Variants in CAMKMT observed in about 807,000 individuals in gnomAD.
CAMKMT encodes the protein CaM KMT.
A neutral mutation model predicts 48.0 loss-of-function variants in CAMKMT; 53 were observed. That is an observed-to-expected ratio of 1.10 (90% CI 0.89 to 1.39). CAMKMT has a LOEUF of 1.39. Ranked by LOEUF, CAMKMT falls within the 40% of genes most tolerant of loss-of-function variation. The pLI, the probability that CAMKMT is intolerant of heterozygous loss-of-function variation, is 0.00. For missense variants in CAMKMT, 428 were observed against 402.7 expected, an observed-to-expected ratio of 1.06 and a Z score of -0.54; for synonymous variants, 165 against 152.3, an observed-to-expected ratio of 1.08 and a Z score of -0.61.
chr2:44,692,450 G>A (rs145863305), intron 3 of CAMKMT, among the ~76,000 whole-genome samples: 52 of 152,170 alleles, frequency 3.4e-4, no homozygotes, highest in Non-Finnish European at 6.3e-4. Flanking sequence ...TCTCTATTTC[G>A]TTAACATGTT....
intron 3 of CAMKMT, among the ~76,000 whole-genome samples, chr2:44,449,300 C>T (rs917846317): frequency 2.6e-5 from 4 of 152,142 alleles, no homozygotes; most frequent in African/African-American, 9.7e-5. Flanking sequence ...AAACTCTATC[C>T]TCAAGTTGTT....
chr2:44,733,781 A>G (rs993659558), intron 7 of CAMKMT, among the ~76,000 whole-genome samples: 2 of 152,158 alleles, frequency 1.3e-5, no homozygotes, highest in African/African-American at 4.8e-5. Flanking sequence ...TTATATTCTT[A>G]AGATAAGCCC....
At chr2:44,417,941 C>G (rs1249150028) in intron 3 of CAMKMT, among the ~76,000 whole-genome samples, 1 of 152,034 alleles carries the variant, frequency 6.6e-6, no homozygotes, top group Non-Finnish European at 1.5e-5. Context: ...GCCTGTAATC[C>G]CAGCACTTTG....
chr2:44,385,708 T>C (rs1226872650), intron 2 of CAMKMT, among the ~76,000 whole-genome samples: 17 of 152,146 alleles, frequency 1.1e-4, no homozygotes, highest in Admixed American at 1.1e-3. Context: ...TGTCGAATGC[T>C]TTTTCTGCAT....
intron 3 of CAMKMT, among the ~76,000 whole-genome samples, chr2:44,688,223 C>T (rs1573080289): frequency 6.6e-6 from 1 of 151,964 alleles, no homozygotes; most frequent in African/African-American, 2.4e-5. Flanking sequence ...GACAATCATA[C>T]AAGTTGGTTG....
intron 2 of CAMKMT, among the ~76,000 whole-genome samples, chr2:44,373,888 C>T (rs1679419887): frequency 6.6e-6 from 1 of 151,868 alleles, no homozygotes; most frequent in Non-Finnish European, 1.5e-5. Flanking sequence ...CTTCAGGAGG[C>T]CAAGGTGGGT....
intron 3 of CAMKMT, among the ~76,000 whole-genome samples, chr2:44,515,575 C>A (rs1670793846): frequency 6.6e-6 from 1 of 152,070 alleles, no homozygotes; most frequent in African/African-American, 2.4e-5. Flanking sequence ...AAAGATATGA[C>A]CTTGAAAAAT....
intron 3 of CAMKMT, among the ~76,000 whole-genome samples, chr2:44,486,078 C>T (rs1430506771): frequency 6.6e-6 from 1 of 152,182 alleles, no homozygotes; most frequent in Non-Finnish European, 1.5e-5. Flanking sequence ...AATTCTCATG[C>T]CTCAGCCTCC....
chr2:44,556,771 C>CT lies in CAMKMT; in HGVS notation c.377-147500dup, dbSNP rs1007108119. ...GGCGTGAGCCACCGCGCCCGGCCCT[C>CT]TTTTTTTTTTTTAAAGGATTAATCC... On this transcript the variant is annotated intron_variant, in intron 3 of 10. Coordinates refer to ENST00000378494, the MANE Select transcript of CAMKMT (RefSeq NM_024766.5). Among the ~76,000 whole-genome samples, 31 of 123,500 alleles carry CT rather than the reference C, an allele frequency of 2.5e-4. 4 individuals are homozygous for CT. Among genetic ancestry groups the CT allele is most frequent in the Non-Finnish European group, 2.8e-4 (16 of 56,886 alleles). The allele number at this position is 123,500 out of a possible 152,430, so 81.0% of individuals were successfully genotyped here.
At chr2:44,685,010 ACAAT>A (rs1489262865) in intron 3 of CAMKMT, among the ~76,000 whole-genome samples, 2 of 152,156 alleles carry the variant, frequency 1.3e-5, no homozygotes, top group African/African-American at 4.8e-5. Context: ...TAGGTTTAGA[ACAAT>A]TCGTTGCTAT....
chr2:44,368,691 G>T lies in CAMKMT; in HGVS notation c.139-4025G>T, dbSNP rs186157522. Among the ~76,000 whole-genome samples, 234 of 152,254 alleles carry T rather than the reference G, an allele frequency of 1.5e-3. 1 individual carries two copies. The highest frequency in any genetic ancestry group is 2.7e-3 in the Non-Finnish European group (187 of 68,022). On this transcript the variant is annotated intron_variant, in intron 1 of 10. Transcript: ENST00000378494. ...ATTACCTTGACATCAGAGTAATTTA[G>T]ACTATTAAAAGGTATTTACTGTTTG...
At chr2:44,368,917 T>A (rs1178932628) in intron 1 of CAMKMT, among the ~76,000 whole-genome samples, 1 of 152,206 alleles carries the variant, frequency 6.6e-6, no homozygotes, top group Non-Finnish European at 1.5e-5. Context: ...TTGCCTGCGC[T>A]GGAGTGCAGT....
rs531463887 is a variant in CAMKMT at position 44,462,713 on chromosome 2, CTG to C, written c.376+72413_376+72414del. Among the ~76,000 whole-genome samples the C allele has an allele frequency of 9.3e-4, 142 of 152,098 alleles. 1 individual carries two copies. The highest frequency in any genetic ancestry group is 3.2e-3 in the African/African-American group (134 of 41,498). On this transcript the variant is annotated intron_variant, in intron 3 of 10. Coordinates refer to ENST00000378494, the MANE Select transcript of CAMKMT (RefSeq NM_024766.5). ...CTTGCGTTCATTGCTTAGGGAGTAT[CTG>C]TGTGCAAGAGGAACATTATATGAAT...
At chr2:44,652,547 G>C (rs538539684) in intron 3 of CAMKMT, among the ~76,000 whole-genome samples, 3 of 152,280 alleles carry the variant, frequency 2.0e-5, no homozygotes, top group African/African-American at 7.2e-5. Context: ...GAATTCACTG[G>C]TCTGAATTTA....
At chr2:44,661,627 G>T (rs529005898) in intron 3 of CAMKMT, among the ~76,000 whole-genome samples, 2 of 152,246 alleles carry the variant, frequency 1.3e-5, no homozygotes, top group South Asian at 4.1e-4. Flanking sequence ...TAGAATCTCC[G>T]TTACAGTGTG....
At chr2:44,408,231 G>A (rs1021192234) in intron 3 of CAMKMT, among the ~76,000 whole-genome samples, 5 of 151,798 alleles carry the variant, frequency 3.3e-5, no homozygotes, top group African/African-American at 1.2e-4. Flanking sequence ...TCACCATATT[G>A]GCTAGGCTGG....
At chr2:44,481,460 A>C (rs1363639415) in intron 3 of CAMKMT, among the ~76,000 whole-genome samples, 1 of 152,086 alleles carries the variant, frequency 6.6e-6, no homozygotes, top group Non-Finnish European at 1.5e-5. Flanking sequence ...TTCTTTAAAA[A>C]TATTTTGAAC....
chr2:44,664,029 A>C (rs567916921), intron 3 of CAMKMT, among the ~76,000 whole-genome samples: 1 of 152,348 alleles, frequency 6.6e-6, no homozygotes, highest in African/African-American at 2.4e-5. Flanking sequence ...CTAAGTCATT[A>C]CTGCAGCAAA....
intron 3 of CAMKMT, among the ~76,000 whole-genome samples, chr2:44,400,578 A>C (rs1368151536): frequency 6.6e-6 from 1 of 152,138 alleles, no homozygotes; most frequent in Non-Finnish European, 1.5e-5. Flanking sequence ...GTTGTTTATC[A>C]AAGCTATTTA....
Sources: allele counts gnomAD v4.1 joint callset (sites outside exome capture counted in the v4.1 genomes callset), GRCh38; gene constraint gnomAD v4.1.1; transcripts MANE v1.5; gene names NCBI Gene and HGNC (gene_info 2026-07-23, HGNC 2026-07-21).